EPHA3: variants seen among roughly 807,000 people sequenced by gnomAD.
EPHA3 encodes the protein EPH receptor A3.
EPHA3 carries 42 observed loss-of-function variants against 107.1 expected under a neutral mutation model. That is an observed-to-expected ratio of 0.39 (90% confidence interval 0.31 to 0.51). The LOEUF (loss-of-function observed/expected upper bound fraction) is 0.51, where lower values mean the gene tolerates loss of function less well. EPHA3 is among the 20% of genes least tolerant of loss of function. The probability of loss-of-function intolerance (pLI) is 0.78; values close to 1 mark genes in which losing one functional copy is unlikely to be tolerated. For synonymous variants in EPHA3, 461 were observed against 424.8 expected (o/e 1.09, Z -1.05); for missense variants, 1,183 against 1,211.2 (o/e 0.98, Z 0.35).
intron 7 of EPHA3, 55 bp from the exon 8 acceptor site, chr3:89,407,214 A>T: frequency 1.6e-6 from 2 of 1,233,022 alleles, no homozygotes; most frequent in South Asian, 2.4e-5. Context: ...TGTTCCATGT[A>T]GATGTTAGTC....
intron 3 of EPHA3, among the ~76,000 whole-genome samples, chr3:89,332,509 C>T (rs1428691307): frequency 6.6e-6 from 1 of 152,206 alleles, no homozygotes; most frequent in African/African-American, 2.4e-5. Context: ...AAATGCTGCA[C>T]ATTGCAGGCA....
At chr3:89,202,921 T>G (rs1437877465) in intron 2 of EPHA3, among the ~76,000 whole-genome samples, 1 of 152,176 alleles carries the variant, frequency 6.6e-6, no homozygotes, top group Non-Finnish European at 1.5e-5. Flanking sequence ...TGTTATAATA[T>G]CTTATCATTC....
At chr3:89,187,913 T>A (rs1705610793) in intron 2 of EPHA3, among the ~76,000 whole-genome samples, 1 of 152,134 alleles carries the variant, frequency 6.6e-6, no homozygotes, top group African/African-American at 2.4e-5. Flanking sequence ...ACTAAAAATC[T>A]CTTAGCACCA....
At chr3:89,158,912 C>T (rs924213491) in intron 2 of EPHA3, among the ~76,000 whole-genome samples, 6 of 151,992 alleles carry the variant, frequency 3.9e-5, no homozygotes, top group African/African-American at 1.2e-4. Context: ...GAAAAAATTC[C>T]TATGCATGTA....
At position 89,219,699 on chromosome 3, in the gene EPHA3, T is replaced by TTTTTTC. The variant is rs1704314635; in HGVS notation, c.814+9182_814+9183insTTCTTT. Among the ~76,000 whole-genome samples, 2 of 10,720 alleles carry TTTTTTC rather than the reference T, an allele frequency of 1.9e-4. 1 individual carries two copies. The highest frequency in any genetic ancestry group is 3.5e-4 in the Non-Finnish European group (2 of 5,730). The allele number at this position is 10,720 out of a possible 152,430, so 7.0% of individuals were successfully genotyped here. A position where few individuals can be genotyped will look rare whatever the true frequency, so the allele number is the denominator to read the frequency against. On this transcript the variant is annotated intron_variant, in intron 3 of 16. Transcript: ENST00000336596. ...AGGCATTTGGCAATGTTTTTTTTTT[T>TTTTTTC]TTTGTTTTTTGTTTTTTTTTTTTTT...
chr3:89,363,380 C>A (rs1219492553), intron 5 of EPHA3, among the ~76,000 whole-genome samples: 1 of 150,670 alleles, frequency 6.6e-6, no homozygotes, highest in African/African-American at 2.4e-5. Context: ...AGCTGATAGG[C>A]TGGAAACCTA....
At chr3:89,267,967 A>C (rs981888761) in intron 3 of EPHA3, among the ~76,000 whole-genome samples, 1 of 152,158 alleles carries the variant, frequency 6.6e-6, no homozygotes, top group African/African-American at 2.4e-5. Context: ...AACTGATTTG[A>C]AGCTCTCTTT....
Position 89,408,051 on chromosome 3 carries a change from C to T in EPHA3, c.1698-16C>T. 1 of 1,611,694 alleles carries T rather than the reference C, an allele frequency of 6.2e-7. No homozygotes were observed. Among genetic ancestry groups the T allele is most frequent in the Non-Finnish European group, 8.5e-7 (1 of 1,178,536 alleles). On this transcript the variant is annotated splice_polypyrimidine_tract_variant and intron_variant, in intron 8 of 16. Transcript: ENST00000336596. ...ATATTCCTCTTATGTGTTCGCTTTC[C>T]TTGATTTACCTCCAGGTTCTGTGGC...
At chr3:89,268,272 C>T (rs550762788) in intron 3 of EPHA3, among the ~76,000 whole-genome samples, 2 of 152,180 alleles carry the variant, frequency 1.3e-5, no homozygotes, top group African/African-American at 4.8e-5. Flanking sequence ...GTCTACTAAA[C>T]CACATCAGTT....
chr3:89,372,325 G>T (rs1708323204), intron 5 of EPHA3, among the ~76,000 whole-genome samples: 1 of 151,704 alleles, frequency 6.6e-6, no homozygotes, highest in African/African-American at 2.4e-5. Context: ...ACTTTATAGT[G>T]TGATGGAGAC....
intron 2 of EPHA3, among the ~76,000 whole-genome samples, chr3:89,186,378 A>T (rs370822511): frequency 0.014 from 2,080 of 152,096 alleles, 38 homozygotes; most frequent in African/African-American, 0.046. Flanking sequence ...GTTTAAAAAA[A>T]ATATAAATAA....
Position 89,194,086 on chromosome 3 carries a change from G to T in EPHA3, c.154-15774G>T, listed in dbSNP as rs113074553. ...TATGATTTATTTATAATCATTTTTA[G>T]GTCAGGATTAAAATGAGATTTAGTC... On this transcript the variant is annotated intron_variant, in intron 2 of 16. Coordinates refer to ENST00000336596, the MANE Select transcript of EPHA3 (RefSeq NM_005233.6). Among the ~76,000 whole-genome samples, 560 of 151,874 alleles carry T rather than the reference G, an allele frequency of 3.7e-3. 2 individuals carry two copies. The highest frequency in any genetic ancestry group is 0.013 in the African/African-American group (544 of 41,484).
At chr3:89,221,163 AC>A (rs147475503) in intron 3 of EPHA3, among the ~76,000 whole-genome samples, 4,964 of 152,260 alleles carry the variant, frequency 0.033, 284 homozygotes, top group African/African-American at 0.11. Context: ...AGCCTGCTTT[AC>A]CAGAAATAGT....
intron 2 of EPHA3, among the ~76,000 whole-genome samples, chr3:89,149,510 G>A (rs1013597521): frequency 7.9e-5 from 12 of 151,788 alleles, no homozygotes; most frequent in African/African-American, 2.9e-4. Flanking sequence ...TATACTTTAA[G>A]TTTTAGGGTA....
At chr3:89,174,305 G>A (rs1705274539) in intron 2 of EPHA3, among the ~76,000 whole-genome samples, 1 of 151,968 alleles carries the variant, frequency 6.6e-6, no homozygotes, top group Non-Finnish European at 1.5e-5. Flanking sequence ...CTCTAGGAGT[G>A]CTTAAGTCTT....
At chr3:89,162,726 G>T (rs1704978708) in intron 2 of EPHA3, among the ~76,000 whole-genome samples, 1 of 152,200 alleles carries the variant, frequency 6.6e-6, no homozygotes, top group Non-Finnish European at 1.5e-5. Context: ...AACCCTGCAT[G>T]CTGGAACTGA....
intron 5 of EPHA3, among the ~76,000 whole-genome samples, chr3:89,359,140 G>A (rs563951868): frequency 6.6e-6 from 1 of 151,268 alleles, no homozygotes; most frequent in East Asian, 1.9e-4. Flanking sequence ...ACAGTAATTA[G>A]TATGAAAGTG....
At chr3:89,411,539 C>T (rs1334125074) in intron 9 of EPHA3, among the ~76,000 whole-genome samples, 24 of 151,846 alleles carry the variant, frequency 1.6e-4, no homozygotes, top group South Asian at 2.1e-4. Flanking sequence ...AGTTTTTACC[C>T]AACCTCTCTC....
intron 5 of EPHA3, among the ~76,000 whole-genome samples, chr3:89,384,565 C>G (rs2107489750): frequency 6.6e-6 from 1 of 152,168 alleles, no homozygotes; most frequent in South Asian, 2.1e-4. Context: ...ATGTATTTTT[C>G]ATACATAAAA....
Sources: allele counts gnomAD v4.1 joint callset (sites outside exome capture counted in the v4.1 genomes callset), GRCh38; gene constraint gnomAD v4.1.1; transcripts MANE v1.5; gene names NCBI Gene and HGNC (gene_info 2026-07-23, HGNC 2026-07-21).